The following TIMP2 variants were observed in gnomAD, a reference collection of about 807,000 sequenced individuals.
The protein encoded by TIMP2 is TIMP metallopeptidase inhibitor 2, also known as metalloproteinase inhibitor 2.
TIMP2 carries 5 observed loss-of-function variants against 24.3 expected under a neutral mutation model. That is an observed-to-expected ratio of 0.21 (90% CI 0.11 to 0.43). The LOEUF is 0.43. Ranked by LOEUF, TIMP2 falls within the 20% of genes least tolerant of loss-of-function variation. The pLI is 1.00. For missense variants in TIMP2, 221 were observed against 297.5 expected (o/e 0.74, Z 1.89); for synonymous variants, 130 against 123.2 (o/e 1.06, Z -0.37).
At chr17:78,879,443 G>A (rs559499760) in intron 1 of TIMP2, among the ~76,000 whole-genome samples, 10 of 152,330 alleles carry the variant, frequency 6.6e-5, no homozygotes, top group South Asian at 2.1e-4. Context: ...GGGAAGAAAT[G>A]AAAATTGTGG....
Position 78,925,297 on chromosome 17 carries a change from A to C in TIMP2, c.-209T>G. ...CGCGAGGGGAGGGGCGCGGGGCGCA[A>C]TTCGCCGGGCGGGGCGGCGGGGTGG... is the stretch of plus-strand genomic sequence containing the variant. On this transcript the variant is annotated 5_prime_UTR_variant, in exon 1 of 5. Coordinates refer to ENST00000262768, the MANE Select transcript of TIMP2 (RefSeq NM_003255.5). 1.6e-5 allele frequency: 1 copy of C among 63,312 alleles called. No homozygotes were observed. The highest frequency in any genetic ancestry group is 6.3e-5 in the African/African-American group (1 of 15,832). 3.9% of individuals were successfully genotyped at this position (63,312 alleles called of 1,614,324 possible).
intron 1 of TIMP2, among the ~76,000 whole-genome samples, chr17:78,900,477 G>A (rs978907261): frequency 1.2e-4 from 18 of 152,058 alleles, no homozygotes; most frequent in East Asian, 7.8e-4. Context: ...CCCAGGAGGC[G>A]GAGGTTGCAG....
rs2069522369 is a variant in TIMP2, at chr17:78,855,983, C to G, written c.466-119G>C. On this transcript the variant is annotated intron_variant, in intron 4 of 4. Coordinates refer to ENST00000262768, the MANE Select transcript of TIMP2 (RefSeq NM_003255.5). The surrounding 1 kb of genome is among the most constrained non-coding windows in gnomAD (Gnocchi z 6.0). Reference sequence around the variant, plus strand: ...GCCTACCTGTCATGTGCAGGGATGGCAGCCTCTCCCGAGACCCACGGTTCC... The same window carrying G: ...GCCTACCTGTCATGTGCAGGGATGGGAGCCTCTCCCGAGACCCACGGTTCC... 1 of 1,039,578 alleles carries G rather than the reference C, an allele frequency of 9.6e-7. No individual in the cohort carries two copies. Among genetic ancestry groups the G allele is most frequent in the Non-Finnish European group, 1.4e-6 (1 of 695,242 alleles). The allele number at this position is 1,039,578 out of a possible 1,614,324, so 64.4% of individuals were successfully genotyped here.
At chr17:78,862,380 C>G (rs574326127) in intron 3 of TIMP2, among the ~76,000 whole-genome samples, 13 of 152,308 alleles carry the variant, frequency 8.5e-5, no homozygotes, top group African/African-American at 3.1e-4. Flanking sequence ...AGTCATCTGA[C>G]CAAGGCTGGG....
In TIMP2 at chr17:78,853,029, T is replaced by C. The variant is rs2069496704; in HGVS notation, c.*2638A>G. 6.6e-6 allele frequency: 1 copy of C among 152,654 alleles called. No homozygotes were observed. 9.5% of individuals were successfully genotyped at this position (152,654 alleles called of 1,614,324 possible). A position where few individuals can be genotyped will look rare whatever the true frequency, so the allele number is the denominator to read the frequency against. On this transcript the variant is annotated 3_prime_UTR_variant, in exon 5 of 5. Transcript: ENST00000262768. ...CACGGACCGAGCGATTGCTCAAGAATGATACAAAGCATCAGAGACATGCGC... is the reference window on the plus strand; with the variant it reads ...CACGGACCGAGCGATTGCTCAAGAACGATACAAAGCATCAGAGACATGCGC...
rs989695421 is a variant in TIMP2 at position 78,854,258 on chromosome 17, G to A, written c.*1409C>T. The A allele has an allele frequency of 6.6e-6, 1 of 151,828 alleles. No homozygotes were observed. Among genetic ancestry groups the A allele is most frequent in the African/African-American group, 2.4e-5 (1 of 41,308 alleles). 9.4% of individuals were successfully genotyped at this position (151,828 alleles called of 1,614,324 possible). A position where few individuals can be genotyped will look rare whatever the true frequency, so the allele number is the denominator to read the frequency against. On this transcript the variant is annotated 3_prime_UTR_variant, in exon 5 of 5. Coordinates refer to ENST00000262768, the MANE Select transcript of TIMP2 (RefSeq NM_003255.5). ...TTTATCTTTACAACACAGGTGGGAG[G>A]AAACAAGAGATTCTCCTTATCATTA...
At chr17:78,888,659 C>T (rs1351931145) in intron 1 of TIMP2, among the ~76,000 whole-genome samples, 1 of 152,088 alleles carries the variant, frequency 6.6e-6, no homozygotes, top group Non-Finnish European at 1.5e-5. Flanking sequence ...CCATGTTGCC[C>T]ACGCTGGTCT....
rs1029986450 is a variant in TIMP2, at chr17:78,874,119, T to G, written c.131-200A>C. 5.8e-6 allele frequency: 3 copies of G among 513,026 alleles called. No homozygotes were observed. The African/African-American group carries it at 5.9e-5, about 10-fold the overall frequency. The allele number at this position is 513,026 out of a possible 1,614,324, so 31.8% of individuals were successfully genotyped here. ...CCAGGCTGAGAGATGATGCCCAGCC[T>G]CCTCCTCCTCCTTCCACGATTCTTC... On this transcript the variant is annotated intron_variant, in intron 1 of 4. Coordinates refer to ENST00000262768, the MANE Select transcript of TIMP2 (RefSeq NM_003255.5).
chr17:78,913,209 T>C (rs2070224237), intron 1 of TIMP2, among the ~76,000 whole-genome samples: 1 of 152,138 alleles, frequency 6.6e-6, no homozygotes, highest in African/African-American at 2.4e-5. Flanking sequence ...CAACAAGGGC[T>C]GAGACCCGCG....
intron 4 of TIMP2, 39 bp downstream of exon 4, chr17:78,857,483 G>C (rs746168346): frequency 6.2e-7 from 1 of 1,613,252 alleles, no homozygotes; most frequent in African/African-American, 1.3e-5. Flanking sequence ...GGAGACACTG[G>C]GAGGAGGCGA....
At chr17:78,890,690 T>C in intron 1 of TIMP2, 1 of 1,550,620 alleles carries the variant, frequency 6.4e-7, no homozygotes, top group Non-Finnish European at 8.7e-7. Context: ...TTCAAGAAAC[T>C]GCTTGTGCAA....
chr17:78,867,741 G>A (rs1348606499), intron 3 of TIMP2, among the ~76,000 whole-genome samples: 3 of 151,070 alleles, frequency 2.0e-5, no homozygotes, highest in African/African-American at 2.4e-5. Context: ...GACTACAGGC[G>A]CCCGCCACCA....
rs138485181 is a variant in TIMP2, at chr17:78,908,196, GATTT to G, written c.130+16759_130+16762del. ...ATGTCTGCAGAGCATCTGATGCTGT[GATTT>G]ATTTAACCACGCCCCTGCTACTGTA... On this transcript the variant is annotated intron_variant, in intron 1 of 4. Transcript: ENST00000262768. 2.3e-3 allele frequency among the ~76,000 whole-genome samples: 350 copies of G among 152,258 alleles called. 10 individuals carry two copies. In the East Asian group the frequency reaches 0.056, roughly 24 times the overall value.
At position 78,853,200 on chromosome 17, in the gene TIMP2, A is replaced by G. The variant is rs1253869795; in HGVS notation, c.*2467T>C. 6.6e-6 allele frequency: 1 copy of G among 152,634 alleles called. No individual in the cohort carries two copies. Among genetic ancestry groups the G allele is most frequent in the East Asian group, 1.9e-4 (1 of 5,202 alleles). The allele number at this position is 152,634 out of a possible 1,614,324, so 9.5% of individuals were successfully genotyped here. A position where few individuals can be genotyped will look rare whatever the true frequency, so the allele number is the denominator to read the frequency against. ...AACAGAGCTTTAAATTACGGCAGCAAGTCCAATATTTCTTAATACTTATCA... is the reference window on the plus strand; with the variant it reads ...AACAGAGCTTTAAATTACGGCAGCAGGTCCAATATTTCTTAATACTTATCA... On this transcript the variant is annotated 3_prime_UTR_variant, in exon 5 of 5. Transcript: ENST00000262768.
rs1026219818 is a variant in TIMP2 at position 78,908,210 on chromosome 17, C to T, written c.130+16749G>A. Among the ~76,000 whole-genome samples the T allele has an allele frequency of 5.3e-5, 8 of 152,272 alleles. No individual in the cohort carries two copies. The South Asian group carries it at 1.0e-3, about 20-fold the overall frequency. ...TCTGATGCTGTGATTTATTTAACCA[C>T]GCCCCTGCTACTGTATATATAGGTG... On this transcript the variant is annotated intron_variant, in intron 1 of 4. Transcript: ENST00000262768.
In TIMP2 at chr17:78,874,009, G is replaced by A. The variant is rs558333776; in HGVS notation, c.131-90C>T. On this transcript the variant is annotated intron_variant, in intron 1 of 4. Coordinates refer to ENST00000262768, the MANE Select transcript of TIMP2 (RefSeq NM_003255.5). Reference sequence around the variant, plus strand: ...GGATAAGACGTCCAGGCCTGCGGGAGGTGCTGGGGGGTTACAGACAGCAGC... The same window carrying A: ...GGATAAGACGTCCAGGCCTGCGGGAAGTGCTGGGGGGTTACAGACAGCAGC... 1,607 of 1,189,290 alleles carry A rather than the reference G, an allele frequency of 1.4e-3. 17 individuals are homozygous for A. The highest frequency in any genetic ancestry group is 0.01 in the South Asian group (804 of 78,640). The allele number at this position is 1,189,290 out of a possible 1,614,324, so 73.7% of individuals were successfully genotyped here. A position where few individuals can be genotyped will look rare whatever the true frequency, so the allele number is the denominator to read the frequency against.
intron 1 of TIMP2, among the ~76,000 whole-genome samples, chr17:78,900,514 T>C (rs2070074035): frequency 3.4e-5 from 5 of 149,100 alleles, no homozygotes. Flanking sequence ...CACTGTACTC[T>C]AGCCTAGGCA....
Position 78,924,337 on chromosome 17 carries a change from C to T in TIMP2, c.130+622G>A, listed in dbSNP as rs557461926. Among the ~76,000 whole-genome samples the T allele has an allele frequency of 6.6e-6, 1 of 152,344 alleles. No individual in the cohort carries two copies. Among genetic ancestry groups the T allele is most frequent in the South Asian group, 2.1e-4 (1 of 4,834 alleles). On this transcript the variant is annotated intron_variant, in intron 1 of 4. Transcript: ENST00000262768. The surrounding 1 kb of genome is among the most constrained non-coding windows in gnomAD (Gnocchi z 5.3). ...TCCCGGTCCCTGCCCAGCCAGTTTG[C>T]AGGGCCTCCTGGGCAGGGCGCAAGC...
At chr17:78,868,409 C>T (rs2069637884) in intron 3 of TIMP2, among the ~76,000 whole-genome samples, 2 of 152,132 alleles carry the variant, frequency 1.3e-5, no homozygotes, top group Admixed American at 1.3e-4. Flanking sequence ...TGCCACCACG[C>T]CCAGCTAATT....
Sources: gnomAD v4.1 joint callset for allele counts (sites outside exome capture counted in the v4.1 genomes callset) on GRCh38, gnomAD v4.1.1 for gene constraint, Gnocchi (gnomAD v3.1) non-coding constraint, MANE v1.5 for transcripts, NCBI Gene and HGNC (gene_info 2026-07-23, HGNC 2026-07-21) for gene names.